Variants in RANBP2 observed in about 807,000 individuals in gnomAD.
RANBP2 encodes RAN binding protein 2.
In RANBP2, 57 loss-of-function variants were observed where a neutral mutation model predicts 303.6. The observed-to-expected ratio is 0.19, with a 90% CI of 0.15 to 0.23. The LOEUF (loss-of-function observed/expected upper bound fraction) is 0.23, where lower values mean the gene tolerates loss of function less well. RANBP2 is among the 10% of genes least tolerant of loss of function. The probability of loss-of-function intolerance (pLI) is 1.00; values close to 1 mark genes in which losing one functional copy is unlikely to be tolerated. For missense variants in RANBP2, 3,138 were observed against 3,780.8 expected (o/e 0.83, Z 4.46); for synonymous variants, 1,167 against 1,301.5 (o/e 0.90, Z 2.23).
the RANBP2 span, among the ~76,000 whole-genome samples, chr2:109,185,409 A>G: frequency 6.6e-6 from 1 of 152,284 alleles, no homozygotes; most frequent in East Asian, 1.9e-4. Flanking sequence ...GAACCTAAAG[A>G]AAAATTCTTA....
the RANBP2 span, chr2:109,613,854 G>C: frequency 8.1e-7 from 1 of 1,235,472 alleles, no homozygotes; most frequent in Admixed American, 4.2e-5. Context: ...ACGGTGAAGC[G>C]GCTGTATCAG....
chr2:109,155,808 G>A, the RANBP2 span, among the ~76,000 whole-genome samples: 1 of 152,222 alleles, frequency 6.6e-6, no homozygotes, highest in Middle Eastern at 3.2e-3. Flanking sequence ...ACGTAGAATG[G>A]AAGATGTTCC....
chr2:108,834,286 C>T, the RANBP2 span, among the ~76,000 whole-genome samples: 1 of 150,636 alleles, frequency 6.6e-6, no homozygotes, highest in African/African-American at 2.5e-5. Flanking sequence ...AATCTCGGCT[C>T]ACTGCAACCT....
chr2:109,530,029 T>C, the RANBP2 span, among the ~76,000 whole-genome samples: 2 of 152,238 alleles, frequency 1.3e-5, no homozygotes, highest in Non-Finnish European at 2.9e-5. Context: ...AAGACAGATG[T>C]TTCTGCTCTG....
At chr2:108,980,648 G>T in the RANBP2 span, among the ~76,000 whole-genome samples, 1 of 152,164 alleles carries the variant, frequency 6.6e-6, no homozygotes, top group Non-Finnish European at 1.5e-5. Context: ...TGGGGCCAGG[G>T]AGGGTTTCTC....
At chr2:109,765,295 A>G in the RANBP2 span, among the ~76,000 whole-genome samples, 21 of 147,770 alleles carry the variant, frequency 1.4e-4, no homozygotes, top group Middle Eastern at 3.4e-3. Context: ...TTGAACATGC[A>G]TACACGTAAG....
At chr2:109,688,860 C>T in the RANBP2 span, among the ~76,000 whole-genome samples, 5 of 149,804 alleles carry the variant, frequency 3.3e-5, no homozygotes, top group Non-Finnish European at 7.4e-5. Context: ...AGCTTCCTTT[C>T]CTGGCCTACA....
the RANBP2 span, among the ~76,000 whole-genome samples, chr2:109,423,507 G>A: frequency 6.6e-6 from 1 of 152,194 alleles, no homozygotes; most frequent in South Asian, 2.1e-4. Flanking sequence ...CAAGACAGGG[G>A]CACCTTCCAT....
the RANBP2 span, among the ~76,000 whole-genome samples, chr2:109,282,873 T>C: frequency 1.3e-5 from 2 of 151,998 alleles, no homozygotes; most frequent in African/African-American, 4.8e-5. Context: ...GAGCTATGGA[T>C]GGGGAGTCTG....
At chr2:109,373,597 C>CAGAG in the RANBP2 span, among the ~76,000 whole-genome samples, 1 of 152,014 alleles carries the variant, frequency 6.6e-6, no homozygotes, top group Admixed American at 6.6e-5. Flanking sequence ...CAAAAGCAGA[C>CAGAG]AGAACTCCTC....
At chr2:109,020,192 T>C in the RANBP2 span, among the ~76,000 whole-genome samples, 1 of 152,276 alleles carries the variant, frequency 6.6e-6, no homozygotes, top group East Asian at 1.9e-4. Context: ...TAAAACACCA[T>C]TTGCAAAAAT....
At chr2:109,684,962 C>T in the RANBP2 span, among the ~76,000 whole-genome samples, 8 of 152,234 alleles carry the variant, frequency 5.3e-5, no homozygotes, top group South Asian at 8.3e-4. Context: ...CAGTCTGCAT[C>T]TCCCAAGTTC....
At chr2:109,571,313 T>A in the RANBP2 span, among the ~76,000 whole-genome samples, 4 of 152,194 alleles carry the variant, frequency 2.6e-5, no homozygotes, top group Non-Finnish European at 5.9e-5. Context: ...AGAAATGCGA[T>A]AGAAATATGA....
At chr2:109,113,666 A>G in the RANBP2 span, among the ~76,000 whole-genome samples, 1 of 152,200 alleles carries the variant, frequency 6.6e-6, no homozygotes, top group Non-Finnish European at 1.5e-5. Flanking sequence ...AACTTCCAAC[A>G]CTATGTTGAA....
the RANBP2 span, among the ~76,000 whole-genome samples, chr2:109,603,403 T>C: frequency 6.6e-6 from 1 of 152,000 alleles, no homozygotes; most frequent in East Asian, 1.9e-4. Context: ...CCTGGCTAAT[T>C]TTTTTCTGTG....
chr2:109,528,759 C>T, the RANBP2 span, among the ~76,000 whole-genome samples: 1 of 152,192 alleles, frequency 6.6e-6, no homozygotes, highest in African/African-American at 2.4e-5. Context: ...AGTCACATCA[C>T]ACGACAAAGG....
chr2:108,724,080 C>T (rs1255254119), intron 1 of RANBP2, among the ~76,000 whole-genome samples: 1 of 152,166 alleles, frequency 6.6e-6, no homozygotes, highest in Non-Finnish European at 1.5e-5. Flanking sequence ...TCTTGTATCT[C>T]ATGTCCTCTT....
At chr2:109,568,769 C>CT in the RANBP2 span, among the ~76,000 whole-genome samples, 1 of 152,162 alleles carries the variant, frequency 6.6e-6, no homozygotes, top group Non-Finnish European at 1.5e-5. Flanking sequence ...TGAAGCTTCT[C>CT]TTTGTGCCTC....
At chr2:109,482,386 A>T in the RANBP2 span, among the ~76,000 whole-genome samples, 1 of 152,178 alleles carries the variant, frequency 6.6e-6, no homozygotes, top group East Asian at 1.9e-4. Flanking sequence ...GCCAACTAAT[A>T]AATACCAGGG....
Sources: gnomAD v4.1 joint callset for allele counts (sites outside exome capture counted in the v4.1 genomes callset) on GRCh38, gnomAD v4.1.1 for gene constraint, MANE v1.5 for transcripts, NCBI Gene and HGNC (gene_info 2026-07-23, HGNC 2026-07-21) for gene names.